The following TBC1D14 variants were observed in gnomAD, a reference collection of about 807,000 sequenced individuals.
The protein encoded by TBC1D14 is TBC1 domain family member 14.
Under a neutral mutation model 79.0 loss-of-function variants are expected in TBC1D14, and 26 were observed. The observed-to-expected ratio is 0.33, with a 90% CI of 0.24 to 0.46. The LOEUF (loss-of-function observed/expected upper bound fraction) is 0.46, where lower values mean the gene tolerates loss of function less well. Among genes scored for constraint, TBC1D14 ranks in the 20% least tolerant of loss-of-function variants. TBC1D14 has a pLI of 1.00. For synonymous variants in TBC1D14, 394 were observed against 349.9 expected (o/e 1.13, Z -1.40); for missense variants, 769 against 887.6 (o/e 0.87, Z 1.70).
chr4:6,991,218 G>A (rs1184235421), intron 3 of TBC1D14, among the ~76,000 whole-genome samples: 1 of 152,226 alleles, frequency 6.6e-6, no homozygotes, highest in African/African-American at 2.4e-5. Context: ...GCTGATCTGT[G>A]CACTTAGTTC....
At position 6,924,313 on chromosome 4, in the gene TBC1D14, C is replaced by T. The variant is rs1577465211; in HGVS notation, c.722+202C>T. 2.4e-4 allele frequency among the ~76,000 whole-genome samples: 5 copies of T among 21,054 alleles called. No individual in the cohort carries two copies. The South Asian group carries it at 0.02, about 83-fold the overall frequency. 13.8% of individuals were successfully genotyped at this position (21,054 alleles called of 152,430 possible). Reference sequence around the variant, plus strand: ...TTGGGGATTCTGTTCTTCGGTGTCCCTGGCTCATTTGCAGTCTGTTGTCAC... The same window carrying T: ...TTGGGGATTCTGTTCTTCGGTGTCCTTGGCTCATTTGCAGTCTGTTGTCAC... On this transcript the variant is annotated intron_variant, in intron 2 of 13. Transcript: ENST00000409757.
rs115681130 is a variant in TBC1D14, at chr4:6,943,742, G to A, written c.722+19631G>A. On this transcript the variant is annotated intron_variant, in intron 2 of 13. Transcript: ENST00000409757. ...TCCCCGCCCCCTCCTGGAACCTTGAGCTTCTGGAGAGCTGGGGCCACACCG... is the reference window on the plus strand; with the variant it reads ...TCCCCGCCCCCTCCTGGAACCTTGAACTTCTGGAGAGCTGGGGCCACACCG... Among the ~76,000 whole-genome samples the A allele has an allele frequency of 3.2e-3, 487 of 152,338 alleles. 1 individual carries two copies. The highest frequency in any genetic ancestry group is 0.011 in the African/African-American group (458 of 41,576).
At chr4:6,937,932 C>A (rs963694258) in intron 2 of TBC1D14, among the ~76,000 whole-genome samples, 1 of 151,988 alleles carries the variant, frequency 6.6e-6, no homozygotes, top group Non-Finnish European at 1.5e-5. Flanking sequence ...CCACGTCTGA[C>A]GTAGGCTCCC....
intron 2 of TBC1D14, among the ~76,000 whole-genome samples, chr4:6,938,332 T>A (rs1712548596): frequency 6.6e-6 from 1 of 152,076 alleles, no homozygotes; most frequent in Non-Finnish European, 1.5e-5. Context: ...TGGGTGGACA[T>A]AACCTCACAT....
chr4:6,951,465 A>G (rs1290595353), intron 2 of TBC1D14, among the ~76,000 whole-genome samples: 1 of 152,210 alleles, frequency 6.6e-6, no homozygotes, highest in Non-Finnish European at 1.5e-5. Flanking sequence ...CAGGAATTCG[A>G]GTCCAGCCTG....
chr4:7,006,724 C>G lies in TBC1D14; in HGVS notation c.1444C>G (p.Gln482Glu). 6.2e-7 allele frequency: 1 copy of G among 1,613,246 alleles called. No individual in the cohort carries two copies. Among genetic ancestry groups the G allele is most frequent in the Non-Finnish European group, 8.5e-7 (1 of 1,179,392 alleles). ...RTFPNLCIFQ[Q>E]GGPYHDMLHS... ...ATTTCCTAATCTCTGCATTTTCCAG[C>G]AAGTAAGTGGTGGTGACTTGTTGCT... Residue 482 changes from glutamine to glutamate, a missense_variant and splice_region_variant, in exon 9 of 14, where the codon CAA becomes GAA. Coordinates refer to ENST00000409757, the MANE Select transcript of TBC1D14 (RefSeq NM_020773.3).
chr4:7,010,230 C>T (rs1372786192), intron 10 of TBC1D14, among the ~76,000 whole-genome samples: 2 of 152,172 alleles, frequency 1.3e-5, no homozygotes, highest in Non-Finnish European at 2.9e-5. Context: ...ACCTTAACCA[C>T]GTTAAAAGCA....
chr4:7,028,347 G>A (rs1722680531), intron 13 of TBC1D14, among the ~76,000 whole-genome samples: 3 of 151,838 alleles, frequency 2.0e-5, no homozygotes, highest in South Asian at 4.1e-4. Flanking sequence ...GTAGGACATT[G>A]TTATTAATGG....
At chr4:7,030,051 A>C (rs1722884020) in intron 13 of TBC1D14, among the ~76,000 whole-genome samples, 2 of 152,174 alleles carry the variant, frequency 1.3e-5, no homozygotes, top group Admixed American at 1.3e-4. Flanking sequence ...TGGCCACTGC[A>C]GGACCCCAGT....
In TBC1D14 at chr4:6,998,044, G is replaced by A. The variant is rs139744780; in HGVS notation, c.1046-1041G>A. On this transcript the variant is annotated intron_variant, in intron 5 of 13. Transcript: ENST00000409757. ...AAAAGTATATGTAAACTAAATGCAT[G>A]GTATTTCTCAGAGCTGCTATTTGTA... is the stretch of plus-strand genomic sequence containing the variant. Among the ~76,000 whole-genome samples, 383 of 152,286 alleles carry A rather than the reference G, an allele frequency of 2.5e-3. 2 individuals are homozygous for A. Among genetic ancestry groups the A allele is most frequent in the African/African-American group, 8.8e-3 (366 of 41,546 alleles).
At chr4:7,007,169 A>T (rs1176243615) in intron 9 of TBC1D14, among the ~76,000 whole-genome samples, 1 of 152,212 alleles carries the variant, frequency 6.6e-6, no homozygotes, top group Non-Finnish European at 1.5e-5. Context: ...AATCCCTGGC[A>T]GCCTGGGTGG....
In TBC1D14 at chr4:6,987,228, GTC is replaced by G. The variant is rs1717938176; in HGVS notation, c.844-6954_844-6953del. On this transcript the variant is annotated intron_variant, in intron 3 of 13. Coordinates refer to ENST00000409757, the MANE Select transcript of TBC1D14 (RefSeq NM_020773.3). ...CCTGCCGCCCCGCCCCGCCCCGCGA[GTC>G]TGAGGAGCCGCCGCGTCCGCCCGCC... 4.0e-6 allele frequency: 5 copies of G among 1,254,500 alleles called. No individual in the cohort carries two copies. In the Admixed American group the frequency reaches 2.1e-4, roughly 54 times the overall value. The allele number at this position is 1,254,500 out of a possible 1,614,324, so 77.7% of individuals were successfully genotyped here.
Position 7,007,044 on chromosome 4 carries a change from G to T in TBC1D14, c.1446+318G>T, listed in dbSNP as rs185081540. Among the ~76,000 whole-genome samples the T allele has an allele frequency of 2.5e-3, 376 of 152,272 alleles. 1 individual carries two copies. The highest frequency in any genetic ancestry group is 4.5e-3 in the Non-Finnish European group (308 of 68,026). ...GGCTGTGTCTGCTGGCGCTTTCTTG[G>T]ACACTCCTCTGCTCTCAGGACTGTG... On this transcript the variant is annotated intron_variant, in intron 9 of 13. Coordinates refer to ENST00000409757, the MANE Select transcript of TBC1D14 (RefSeq NM_020773.3).
chr4:6,920,172 A>G (rs992729859), intron 1 of TBC1D14, among the ~76,000 whole-genome samples: 2 of 152,064 alleles, frequency 1.3e-5, no homozygotes, highest in African/African-American at 4.8e-5. Context: ...TGAATTCTGC[A>G]TTTCATTTAA....
At chr4:7,020,140 T>C (rs1014975193) in intron 12 of TBC1D14, among the ~76,000 whole-genome samples, 1 of 149,358 alleles carries the variant, frequency 6.7e-6, no homozygotes, top group Non-Finnish European at 1.5e-5. Flanking sequence ...TGGCCTTAGG[T>C]TGGGGAGGAC....
In TBC1D14 at chr4:7,014,526, A is replaced by C. The variant is rs766826602; in HGVS notation, c.1726A>C (p.Asn576His). Reference sequence around the variant, plus strand: ...ATTATTTGCGCATTTCAAGAAGAACAACCTAACTCCAGATATCTACCTAAT... The same window carrying C: ...ATTATTTGCGCATTTCAAGAAGAACCACCTAACTCCAGATATCTACCTAAT... ...PKLFAHFKKN[N>H]LTPDIYLIDW... The change falls in exon 12 of 14, where the codon AAC becomes CAC. Residue 576 changes from asparagine (N) to histidine (H), a missense_variant. Around this residue, in one of 2 missense-constraint regions of TBC1D14, gnomAD observed 367 missense variants for 494.4 expected, o/e 0.74. Coordinates refer to ENST00000409757, the MANE Select transcript of TBC1D14 (RefSeq NM_020773.3). 1.5e-5 allele frequency: 25 copies of C among 1,613,794 alleles called. No homozygotes were observed. The highest frequency in any genetic ancestry group is 1.5e-4 in the Admixed American group (9 of 60,024).
chr4:6,995,946 C>T (rs1718992595), intron 4 of TBC1D14, among the ~76,000 whole-genome samples: 2 of 152,162 alleles, frequency 1.3e-5, no homozygotes, highest in South Asian at 4.1e-4. Context: ...ACACCATTCT[C>T]CTGCCTCAGC....
chr4:7,016,022 T>C (rs1324876499), intron 12 of TBC1D14, among the ~76,000 whole-genome samples: 1 of 152,240 alleles, frequency 6.6e-6, no homozygotes, highest in Non-Finnish European at 1.5e-5. Context: ...GGAAAAGGCC[T>C]TCTGGAAGGT....
chr4:6,911,969 G>A (rs1039972350), intron 1 of TBC1D14, among the ~76,000 whole-genome samples: 1 of 152,142 alleles, frequency 6.6e-6, no homozygotes, highest in African/African-American at 2.4e-5. Context: ...TTTTTTTTTA[G>A]AGATGGGGTC....
Sources: allele counts gnomAD v4.1 joint callset (sites outside exome capture counted in the v4.1 genomes callset), GRCh38; gene constraint gnomAD v4.1.1; regional missense constraint gnomAD v4.1.1; transcripts MANE v1.5; gene names NCBI Gene and HGNC (gene_info 2026-07-23, HGNC 2026-07-21).